The following CCDC18 variants were observed in gnomAD, a reference collection of about 807,000 sequenced individuals.
CCDC18 encodes coiled-coil domain containing 18, also known as coiled-coil domain-containing protein 18.
Under a neutral mutation model 196.0 loss-of-function variants are expected in CCDC18, and 157 were observed. That is an observed-to-expected ratio of 0.80 (90% CI 0.70 to 0.91). The LOEUF (loss-of-function observed/expected upper bound fraction) is 0.91, where lower values mean the gene tolerates loss of function less well. Among genes scored for constraint, CCDC18 ranks in the 40% least tolerant of loss-of-function variants. The pLI, the probability that CCDC18 is intolerant of heterozygous loss-of-function variation, is 0.00. For synonymous variants in CCDC18, 482 were observed against 529.2 expected, an observed-to-expected ratio of 0.91 and a Z score of 1.22; for missense variants, 1,465 against 1,611.6, an observed-to-expected ratio of 0.91 and a Z score of 1.56.
At chr1:93,218,000 C>G in intron 14 of CCDC18, 131 bp downstream of exon 14, 5 of 679,580 alleles carry the variant, frequency 7.4e-6, no homozygotes, top group Non-Finnish European at 1.2e-5. Flanking sequence ...AATTAGAATC[C>G]CAATCTTTCT....
chr1:93,194,022 C>T (rs1485651793), intron 6 of CCDC18, among the ~76,000 whole-genome samples: 1 of 151,858 alleles, frequency 6.6e-6, no homozygotes, highest in East Asian at 1.9e-4. Context: ...AGTTCTATGG[C>T]CTATTTGAAA....
In CCDC18 at chr1:93,210,086, C is replaced by T. The variant is rs371228425; in HGVS notation, c.1210-716C>T. On this transcript the variant is annotated intron_variant, in intron 9 of 28. Coordinates refer to ENST00000690025, the MANE Select transcript of CCDC18 (RefSeq NM_001378204.1). ...AAAAGAATCATTTGAGATATGATTC[C>T]GAATGTGGTAATGTATGCTTGATCG... Among the ~76,000 whole-genome samples, 5 of 152,012 alleles carry T rather than the reference C, an allele frequency of 3.3e-5. No homozygotes were observed. The South Asian group carries it at 6.2e-4, about 19-fold the overall frequency.
intron 11 of CCDC18, among the ~76,000 whole-genome samples, chr1:93,212,622 C>G (rs1179068046): frequency 6.6e-6 from 1 of 152,098 alleles, no homozygotes; most frequent in Non-Finnish European, 1.5e-5. Context: ...ACTTGATAAT[C>G]TGTTACTAGT....
intron 13 of CCDC18, 134 bp downstream of exon 13, chr1:93,216,880 T>G (rs1656563540): frequency 1.9e-6 from 1 of 526,672 alleles, no homozygotes; most frequent in Admixed American, 4.2e-5. Context: ...TCTGATCATT[T>G]CTTGTTTATA....
At chr1:93,262,088 A>ACC (rs1164642500) in intron 26 of CCDC18, 1 of 152,168 alleles carries the variant, frequency 6.6e-6, no homozygotes, top group African/African-American at 2.4e-5. Flanking sequence ...TATCATGAGA[A>ACC]CAGCTTGGGG....
chr1:93,193,819 A>C (rs1376787392), intron 6 of CCDC18, 75 bp downstream of exon 6: 6 of 1,204,756 alleles, frequency 5.0e-6, no homozygotes, highest in Non-Finnish European at 6.8e-6. Context: ...AATTCTAGTT[A>C]ATTTTTGAAG....
At chr1:93,183,332 G>A (rs180794644) in intron 1 of CCDC18, 28 bp from the exon 2 acceptor site, 11 of 1,467,042 alleles carry the variant, frequency 7.5e-6, no homozygotes, top group South Asian at 1.4e-5. Flanking sequence ...TTTCAGACAA[G>A]GTACAAGAAA....
chr1:93,188,720 CACA>C (rs1393363235), intron 4 of CCDC18, among the ~76,000 whole-genome samples: 10 of 152,144 alleles, frequency 6.6e-5, no homozygotes, highest in African/African-American at 2.4e-4. Context: ...TTTAAAACTG[CACA>C]ACAAGTTGTC....
At chr1:93,197,933 A>G (rs1186844199) in intron 6 of CCDC18, among the ~76,000 whole-genome samples, 1 of 151,554 alleles carries the variant, frequency 6.6e-6, no homozygotes, top group Non-Finnish European at 1.5e-5. Flanking sequence ...TTGTATTTTT[A>G]GTAGAGACGG....
At chr1:93,200,101 C>T (rs1653564562) in intron 6 of CCDC18, among the ~76,000 whole-genome samples, 1 of 152,078 alleles carries the variant, frequency 6.6e-6, no homozygotes, top group African/African-American at 2.4e-5. Flanking sequence ...CCTCCTGCCT[C>T]AGCCTCTAGA....
intron 12 of CCDC18, 54 bp downstream of exon 12, chr1:93,215,020 G>A (rs924036583): frequency 1.7e-6 from 2 of 1,173,464 alleles, no homozygotes; most frequent in Non-Finnish European, 1.2e-6. Context: ...AGAACAAAAG[G>A]TATTATTTTA....
Position 93,212,134 on chromosome 1 carries a change from A to G in CCDC18, c.1368A>G (p.Gln456=). Residue 456 remains glutamine, a synonymous_variant, in exon 11 of 29, where the codon CAA becomes CAG. Coordinates refer to ENST00000690025, the MANE Select transcript of CCDC18 (RefSeq NM_001378204.1). ...IKLAIKEAEI[Q]KLHANLTANQ... ...TTGCAATAAAAGAGGCAGAAATTCA[A>G]AAGCTTCATGCAAACCTGACTGCAA... 1.2e-6 allele frequency: 2 copies of G among 1,605,118 alleles called. No individual in the cohort carries two copies. Among genetic ancestry groups the G allele is most frequent in the Non-Finnish European group, 1.7e-6 (2 of 1,177,888 alleles).
chr1:93,180,190 G>A (rs750072307), upstream of CCDC18: 2 of 1,613,496 alleles, frequency 1.2e-6, no homozygotes, highest in South Asian at 2.2e-5. Context: ...CAGCACCGGA[G>A]GCAGAGCGGC....
upstream of CCDC18, chr1:93,180,212 C>A (rs1377324869): frequency 6.2e-7 from 1 of 1,612,608 alleles, no homozygotes; most frequent in East Asian, 2.2e-5. Flanking sequence ...AGAAGGAGCA[C>A]GGGGAAGGGC....
At chr1:93,256,821 T>C (rs1365457834) in intron 25 of CCDC18, among the ~76,000 whole-genome samples, 2 of 152,146 alleles carry the variant, frequency 1.3e-5, no homozygotes, top group African/African-American at 2.4e-5. Context: ...AGTTCTCAAA[T>C]TGAGTTATAA....
At chr1:93,273,218 G>C (rs6541400) in intron 28 of CCDC18, among the ~76,000 whole-genome samples, 43,316 of 151,604 alleles carry the variant, frequency 0.29, 9,341 homozygotes, top group African/African-American at 0.61. Flanking sequence ...ACAGGCGCCC[G>C]CCACCACGCC....
chr1:93,223,127 A>G (rs1230649401), intron 16 of CCDC18, among the ~76,000 whole-genome samples: 1 of 152,222 alleles, frequency 6.6e-6, no homozygotes, highest in Non-Finnish European at 1.5e-5. Flanking sequence ...TACTTTTATT[A>G]GATAAAACTC....
rs1665758731 is a variant in CCDC18, at chr1:93,278,538, T to TTATA, written c.*63_*66dup. 6.8e-6 allele frequency: 6 copies of TTATA among 884,388 alleles called. No individual in the cohort carries two copies. The South Asian group carries it at 1.5e-4, about 22-fold the overall frequency. 54.8% of individuals were successfully genotyped at this position (884,388 alleles called of 1,614,324 possible). A position where few individuals can be genotyped will look rare whatever the true frequency, so the allele number is the denominator to read the frequency against. On this transcript the variant is annotated 3_prime_UTR_variant, in exon 29 of 29. Transcript: ENST00000690025. ...TTTTTGGTACTGTGCTGTTTACTTA[T>TTATA]TATATGTAGCTCATACTTCATAGAA...
At position 93,205,375 on chromosome 1, in the gene CCDC18, A is replaced by G. The variant is rs189220197; in HGVS notation, c.796-135A>G. The stretch of plus-strand genomic sequence containing the variant: ...ACTTCACTTTGCTTCTTTTCACTAC[A>G]AGGCTGGGGACTTAAATGTATGAAA... On this transcript the variant is annotated intron_variant, in intron 7 of 28. Transcript: ENST00000690025. The G allele has an allele frequency of 4.7e-5, 32 of 682,972 alleles. No individual in the cohort carries two copies. In the African/African-American group the frequency reaches 5.4e-4, roughly 11 times the overall value. 42.3% of individuals were successfully genotyped at this position (682,972 alleles called of 1,614,324 possible).
Sources: gnomAD v4.1 joint callset for allele counts (sites outside exome capture counted in the v4.1 genomes callset) on GRCh38, gnomAD v4.1.1 for gene constraint, MANE v1.5 for transcripts, NCBI Gene and HGNC (gene_info 2026-07-23, HGNC 2026-07-21) for gene names.